Variants in ENPEP observed in about 807,000 individuals in gnomAD.
ENPEP encodes the protein AP-A.
In ENPEP, 103 loss-of-function variants were observed where a neutral mutation model predicts 114.5. The observed-to-expected ratio is 0.90, with a 90% CI of 0.77 to 1.06. ENPEP has a LOEUF of 1.06. ENPEP is among the 50% of genes least tolerant of loss of function. The pLI is 0.00. For synonymous variants in ENPEP, 420 were observed against 422.0 expected (o/e 1.00, Z 0.06); for missense variants, 1,196 against 1,161.3 (o/e 1.03, Z -0.43).
intron 10 of ENPEP, among the ~76,000 whole-genome samples, chr4:110,529,020 A>G (rs1483249617): frequency 1.3e-5 from 2 of 152,194 alleles, no homozygotes; most frequent in African/African-American, 4.8e-5. Context: ...GTATAGCCTC[A>G]ACTTTCTATC....
intron 3 of ENPEP, among the ~76,000 whole-genome samples, chr4:110,494,263 T>C (rs1724843627): frequency 6.6e-6 from 1 of 152,238 alleles, no homozygotes; most frequent in African/African-American, 2.4e-5. Context: ...CTTGTTCCCA[T>C]TTTTATATTT....
At chr4:110,510,399 C>T (rs1725530875) in intron 6 of ENPEP, 41 bp downstream of exon 6, 3 of 1,510,182 alleles carry the variant, frequency 2.0e-6, no homozygotes, top group Non-Finnish European at 1.8e-6. Context: ...CTCTTTTCCT[C>T]ATGCAAAGCA....
intron 2 of ENPEP, 69 bp downstream of exon 2, chr4:110,488,751 T>C (rs1724596989): frequency 6.5e-7 from 1 of 1,527,392 alleles, no homozygotes; most frequent in Admixed American, 2.2e-5. Context: ...TTACCTGATT[T>C]TCTGTGAAAG....
intron 13 of ENPEP, among the ~76,000 whole-genome samples, chr4:110,545,452 C>G (rs1332249763): frequency 6.6e-6 from 1 of 151,966 alleles, no homozygotes; most frequent in Non-Finnish European, 1.5e-5. Context: ...CTTCTCCCTG[C>G]CCCCAGCTTA....
intron 11 of ENPEP, among the ~76,000 whole-genome samples, chr4:110,537,083 C>A (rs936344947): frequency 2.6e-5 from 4 of 152,122 alleles, no homozygotes; most frequent in Non-Finnish European, 5.9e-5. Flanking sequence ...GAGTTGTAAT[C>A]TTTTTTACTG....
intron 1 of ENPEP, 82 bp from the exon 2 acceptor site, chr4:110,488,459 T>G: frequency 7.1e-7 from 1 of 1,415,916 alleles, no homozygotes; most frequent in Non-Finnish European, 9.2e-7. Context: ...ATAGCTGATT[T>G]TTTTTTCCCC....
chr4:110,538,637 T>A (rs1226711305), intron 11 of ENPEP, among the ~76,000 whole-genome samples: 1 of 152,234 alleles, frequency 6.6e-6, no homozygotes, highest in African/African-American at 2.4e-5. Context: ...TTTTTCTTTA[T>A]GTTTAGAACT....
chr4:110,477,782 T>C (rs28619316), intron 1 of ENPEP, among the ~76,000 whole-genome samples: 23,666 of 152,190 alleles, frequency 0.16, 2,480 homozygotes, highest in African/African-American at 0.28. Context: ...ATAAAAGATA[T>C]ATTAAGTAGT....
chr4:110,557,768 A>C (rs1727529262), intron 18 of ENPEP, among the ~76,000 whole-genome samples: 1 of 152,160 alleles, frequency 6.6e-6, no homozygotes, highest in Non-Finnish European at 1.5e-5. Context: ...GGATGAAAAA[A>C]CATATTGGCT....
chr4:110,561,337 G>A, intron 19 of ENPEP, 69 bp from the exon 20 acceptor site: 1 of 1,531,812 alleles, frequency 6.5e-7, no homozygotes, highest in Admixed American at 1.8e-5. Context: ...AATCCAGTTT[G>A]TGAATGAAAT....
chr4:110,489,561 CAAAT>C (rs1578391846), intron 2 of ENPEP, among the ~76,000 whole-genome samples: 1 of 150,902 alleles, frequency 6.6e-6, no homozygotes, highest in Non-Finnish European at 1.5e-5. Context: ...GTGTAATAAA[CAAAT>C]AAATAAATAA....
At chr4:110,537,181 A>G (rs1726669681) in intron 11 of ENPEP, among the ~76,000 whole-genome samples, 1 of 152,192 alleles carries the variant, frequency 6.6e-6, no homozygotes, top group Non-Finnish European at 1.5e-5. Flanking sequence ...AATTTCTTAA[A>G]ATAAGACAAC....
intron 13 of ENPEP, among the ~76,000 whole-genome samples, chr4:110,545,678 T>C (rs150899583): frequency 6.6e-6 from 1 of 152,156 alleles, no homozygotes; most frequent in East Asian, 1.9e-4. Flanking sequence ...TGATGTTTAA[T>C]GCTGATTTTT....
Position 110,531,269 on chromosome 4 carries a change from A to C in ENPEP, c.1799A>C (p.Glu600Ala), listed in dbSNP as rs1359275371. Residue 600 changes from glutamate to alanine, a missense_variant, in exon 11 of 20, where the codon GAA becomes GCA. By Grantham distance (107) the Glu-to-Ala change is moderately radical (BLOSUM62 -1). Coordinates refer to ENST00000265162, the MANE Select transcript of ENPEP (RefSeq NM_001977.4). ...AGCAGTGTGTTATTTAATAGGTCAG[A>C]AAAAGAAGGTAAATATTATTAATTG... The part of the protein sequence containing the change: ...ITSSVLFNRS[E>A]KEGITLNSSN... The C allele has an allele frequency of 7.0e-7, 1 of 1,435,894 alleles. No homozygotes were observed. The highest frequency in any genetic ancestry group is 1.5e-5 in the South Asian group (1 of 67,316). The allele number at this position is 1,435,894 out of a possible 1,614,324, so 88.9% of individuals were successfully genotyped here.
intron 11 of ENPEP, among the ~76,000 whole-genome samples, chr4:110,538,781 A>C (rs749176759): frequency 1.3e-5 from 2 of 152,138 alleles, no homozygotes; most frequent in Non-Finnish European, 2.9e-5. Flanking sequence ...TCATCTGAAC[A>C]CTTGAGGCCA....
At position 110,515,915 on chromosome 4, in the gene ENPEP, C is replaced by T. The variant is rs1017044857; in HGVS notation, c.1509+473C>T. On this transcript the variant is annotated intron_variant, in intron 8 of 19. Transcript: ENST00000265162. Reference sequence around the variant, plus strand: ...GAGAGAGAGGGAGAGAGAGAGAGCACTCTGGTGTCTCTTATAAGGATACTG... The same window carrying T: ...GAGAGAGAGGGAGAGAGAGAGAGCATTCTGGTGTCTCTTATAAGGATACTG... The T allele has an allele frequency of 1.6e-4, 67 of 421,728 alleles. No homozygotes were observed. The Admixed American group carries it at 1.7e-3, about 10-fold the overall frequency. The allele number at this position is 421,728 out of a possible 1,614,324, so 26.1% of individuals were successfully genotyped here.
At chr4:110,491,225 T>G (rs1486947524) in intron 3 of ENPEP, 61 bp downstream of exon 3, 2 of 1,501,586 alleles carry the variant, frequency 1.3e-6, no homozygotes, top group East Asian at 4.8e-5. Flanking sequence ...TTATCTACCT[T>G]TTTTGGGTAG....
intron 1 of ENPEP, among the ~76,000 whole-genome samples, chr4:110,487,898 TA>T (rs907322707): frequency 1.1e-4 from 17 of 151,368 alleles, no homozygotes; most frequent in South Asian, 2.1e-4. Context: ...GTTAGAGCCA[TA>T]AAAAAAAATG....
At chr4:110,547,640 T>G (rs1411403396) in intron 13 of ENPEP, among the ~76,000 whole-genome samples, 1 of 152,046 alleles carries the variant, frequency 6.6e-6, no homozygotes, top group Non-Finnish European at 1.5e-5. Flanking sequence ...AGAGAAAAAT[T>G]TACTTTTTTA....
Sources: gnomAD v4.1 joint callset for allele counts (sites outside exome capture counted in the v4.1 genomes callset) on GRCh38, gnomAD v4.1.1 for gene constraint, MANE v1.5 for transcripts, NCBI Gene and HGNC (gene_info 2026-07-23, HGNC 2026-07-21) for gene names.